DCTD: variants seen among roughly 807,000 people sequenced by gnomAD.
DCTD encodes the protein dCMP deaminase.
Under a neutral mutation model 21.0 loss-of-function variants are expected in DCTD, and 23 were observed. The ratio of observed to expected loss-of-function variants is 1.09; its 90% CI spans 0.79 to 1.55. DCTD has a LOEUF of 1.55. DCTD is among the 40% of genes most tolerant of loss of function. The probability of loss-of-function intolerance (pLI) is 0.00; values close to 1 mark genes in which losing one functional copy is unlikely to be tolerated. For missense variants in DCTD, 224 were observed against 230.0 expected, an observed-to-expected ratio of 0.97 and a Z score of 0.17; for synonymous variants, 71 against 81.1, an observed-to-expected ratio of 0.88 and a Z score of 0.67.
intron 3 of DCTD, among the ~76,000 whole-genome samples, chr4:182,910,587 C>T (rs1294258381): frequency 2.6e-5 from 4 of 152,026 alleles, no homozygotes; most frequent in Admixed American, 6.5e-5. Context: ...TTAGATAAAT[C>T]TGCTGCTTCC....
intron 3 of DCTD, among the ~76,000 whole-genome samples, chr4:182,903,015 T>C (rs1250205874): frequency 6.6e-6 from 1 of 152,190 alleles, no homozygotes; most frequent in Non-Finnish European, 1.5e-5. Flanking sequence ...AGGATGTGCC[T>C]ACACAAAGGT....
intron 2 of DCTD, 125 bp downstream of exon 2, chr4:182,915,336 A>G: frequency 1.3e-6 from 1 of 762,576 alleles, no homozygotes; most frequent in Non-Finnish European, 2.2e-6. Flanking sequence ...GAAACGCAGC[A>G]CAAAAGGCAG....
intron 3 of DCTD, among the ~76,000 whole-genome samples, chr4:182,895,901 G>A (rs575349518): frequency 1.3e-5 from 2 of 152,224 alleles, no homozygotes; most frequent in Non-Finnish European, 2.9e-5. Context: ...GTGCAGACAA[G>A]TTCCGGAAGC....
chr4:182,907,417 C>T (rs989741303), intron 3 of DCTD, among the ~76,000 whole-genome samples: 2 of 152,162 alleles, frequency 1.3e-5, no homozygotes, highest in African/African-American at 4.8e-5. Context: ...GGATTACAGG[C>T]GTGCACTCCA....
intron 2 of DCTD, 125 bp from the exon 3 acceptor site, chr4:182,915,183 G>C (rs1738500493): frequency 1.6e-6 from 2 of 1,260,790 alleles, no homozygotes. Flanking sequence ...CAGGTGCTGA[G>C]AGCTGTCGGT....
At position 182,917,133 on chromosome 4, in the gene DCTD, C is replaced by G; in HGVS notation, c.-8+178G>C. On this transcript the variant is annotated intron_variant, in intron 1 of 5. Coordinates refer to ENST00000438320, the MANE Select transcript of DCTD (RefSeq NM_001921.3). The surrounding 1 kb of genome is among the most constrained non-coding windows in gnomAD (Gnocchi z 4.9). ...AGTGACTGCGGGGACCCCGAGCGCC[C>G]CCACCCCGCCCGCATTCTCCGATCT... is the stretch of plus-strand genomic sequence containing the variant. 1 of 987,792 alleles carries G rather than the reference C, an allele frequency of 1.0e-6. No individual in the cohort carries two copies. The highest frequency in any genetic ancestry group is 1.2e-6 in the Non-Finnish European group (1 of 831,814). 61.2% of individuals were successfully genotyped at this position (987,792 alleles called of 1,614,324 possible).
intron 3 of DCTD, among the ~76,000 whole-genome samples, chr4:182,914,069 G>A (rs928552204): frequency 2.0e-5 from 3 of 152,096 alleles, no homozygotes; most frequent in Admixed American, 1.3e-4. Context: ...GTGCAGTGGC[G>A]CAGTCTTGGC....
At chr4:182,899,854 G>A (rs1735421128) in intron 3 of DCTD, among the ~76,000 whole-genome samples, 1 of 152,060 alleles carries the variant, frequency 6.6e-6, no homozygotes, top group African/African-American at 2.4e-5. Flanking sequence ...TTTCCTCTAT[G>A]GGTTAAATAT....
intron 5 of DCTD, among the ~76,000 whole-genome samples, chr4:182,892,157 C>A (rs557273245): frequency 2.6e-5 from 4 of 152,118 alleles, no homozygotes; most frequent in Admixed American, 2.6e-4. Flanking sequence ...TCCCTAATGA[C>A]CAGCACAAGG....
At chr4:182,903,964 A>T (rs1446905921) in intron 3 of DCTD, among the ~76,000 whole-genome samples, 1 of 152,194 alleles carries the variant, frequency 6.6e-6, no homozygotes, top group African/African-American at 2.4e-5. Flanking sequence ...TACTTGCTAC[A>T]TGTGAGTGCT....
chr4:182,916,208 G>C (rs1034212450), intron 1 of DCTD: 3 of 198,956 alleles, frequency 1.5e-5, no homozygotes, highest in African/African-American at 7.1e-5. Context: ...TCAACTCCGA[G>C]TAATGAATTA....
intron 3 of DCTD, among the ~76,000 whole-genome samples, chr4:182,914,468 G>A (rs1165091486): frequency 6.6e-6 from 1 of 152,258 alleles, no homozygotes; most frequent in Non-Finnish European, 1.5e-5. Context: ...TCAGGCACAT[G>A]GGCTGAATGA....
At chr4:182,907,070 T>G (rs972754827) in intron 3 of DCTD, among the ~76,000 whole-genome samples, 9 of 152,242 alleles carry the variant, frequency 5.9e-5, no homozygotes, top group African/African-American at 2.2e-4. Context: ...ACCTCTTGTC[T>G]CTTTCAAAGA....
chr4:182,916,414 G>C, intron 1 of DCTD: 7 of 985,544 alleles, frequency 7.1e-6, no homozygotes, highest in Non-Finnish European at 8.4e-6. Flanking sequence ...AAACGGGGTG[G>C]GTACCACGGA....
Position 182,912,157 on chromosome 4 carries a change from A to C in DCTD, c.244+2766T>G, listed in dbSNP as rs560524785. 1.2e-4 allele frequency among the ~76,000 whole-genome samples: 18 copies of C among 152,190 alleles called. No individual in the cohort carries two copies. In the East Asian group the frequency reaches 2.9e-3, roughly 24 times the overall value. On this transcript the variant is annotated intron_variant, in intron 3 of 5. Transcript: ENST00000438320. ...AAATCTTAAAACGAAAGCAAAAAAA[A>C]AAAAAAAGACTTTGCATTTGAGTCA...
chr4:182,903,701 C>A (rs975115084), intron 3 of DCTD, among the ~76,000 whole-genome samples: 4 of 152,044 alleles, frequency 2.6e-5, no homozygotes, highest in Non-Finnish European at 4.4e-5. Flanking sequence ...CTGCCCACAG[C>A]CCAGGGCCCT....
At chr4:182,899,935 C>G (rs1055158290) in intron 3 of DCTD, among the ~76,000 whole-genome samples, 7 of 152,144 alleles carry the variant, frequency 4.6e-5, no homozygotes, top group African/African-American at 1.7e-4. Flanking sequence ...ATTATACTTA[C>G]CAGGTGAGCA....
chr4:182,910,531 C>A (rs1579761998), intron 3 of DCTD, among the ~76,000 whole-genome samples: 1 of 152,008 alleles, frequency 6.6e-6, no homozygotes. Flanking sequence ...AGCAACCCAC[C>A]CCCTCATGAA....
At chr4:182,916,012 G>A (rs778967863) in intron 1 of DCTD, 14 of 360,494 alleles carry the variant, frequency 3.9e-5, no homozygotes, top group Non-Finnish European at 5.2e-5. Context: ...TCCTAGCTAA[G>A]GTAGACAGTG....
Sources: allele counts gnomAD v4.1 joint callset (sites outside exome capture counted in the v4.1 genomes callset), GRCh38; gene constraint gnomAD v4.1.1; non-coding constraint Gnocchi (gnomAD v3.1); transcripts MANE v1.5; gene names NCBI Gene and HGNC (gene_info 2026-07-23, HGNC 2026-07-21).